NIPBL: variants seen among roughly 807,000 people sequenced by gnomAD.
The protein encoded by NIPBL is nipped-B-like protein.
NIPBL carries 19 observed loss-of-function variants against 321.8 expected under a neutral mutation model. That is an observed-to-expected ratio of 0.06 (90% confidence interval 0.04 to 0.09). NIPBL has a LOEUF of 0.09. Ranked by LOEUF, NIPBL falls within the 10% of genes least tolerant of loss-of-function variation. The pLI, the probability that NIPBL is intolerant of heterozygous loss-of-function variation, is 1.00. For missense variants in NIPBL, 2,210 were observed against 3,327.0 expected, an observed-to-expected ratio of 0.66 and a Z score of 8.26; for synonymous variants, 1,106 against 1,114.1, an observed-to-expected ratio of 0.99 and a Z score of 0.14.
chr5:37,061,848 T>G (rs1478137398), intron 45 of NIPBL, among the ~76,000 whole-genome samples: 2 of 152,204 alleles, frequency 1.3e-5, no homozygotes, highest in Non-Finnish European at 2.9e-5. Context: ...TAATGCTGTT[T>G]GTTTTGTTTT....
At chr5:36,978,200 T>G (rs1484569563) in intron 9 of NIPBL, among the ~76,000 whole-genome samples, 1 of 152,090 alleles carries the variant, frequency 6.6e-6, no homozygotes, top group Non-Finnish European at 1.5e-5. Context: ...TCATAAGGGT[T>G]GAACTAATTT....
intron 33 of NIPBL, among the ~76,000 whole-genome samples, chr5:37,038,016 G>A (rs1431203397): frequency 1.5e-5 from 2 of 131,920 alleles, no homozygotes; most frequent in Non-Finnish European, 3.1e-5. Context: ...TAAAGACAGG[G>A]TCTCACTCTG....
chr5:37,043,093 A>T (rs764597186), intron 34 of NIPBL, among the ~76,000 whole-genome samples: 1 of 152,014 alleles, frequency 6.6e-6, no homozygotes, highest in Non-Finnish European at 1.5e-5. Context: ...ACACATTTAA[A>T]TTTAAAATAA....
chr5:37,013,316 C>A (rs1412926205), intron 21 of NIPBL, among the ~76,000 whole-genome samples: 1 of 150,758 alleles, frequency 6.6e-6, no homozygotes, highest in Non-Finnish European at 1.5e-5. Flanking sequence ...CCACCTCCCT[C>A]CCGGACGGGG....
At chr5:36,901,392 T>TG (rs1208723771) in intron 1 of NIPBL, among the ~76,000 whole-genome samples, 1 of 152,086 alleles carries the variant, frequency 6.6e-6, no homozygotes, top group Middle Eastern at 3.2e-3. Context: ...TTGTGAATAG[T>TG]GCTGTAGTGA....
chr5:36,914,605 G>A (rs970281793), intron 1 of NIPBL, among the ~76,000 whole-genome samples: 4 of 152,098 alleles, frequency 2.6e-5, no homozygotes, highest in African/African-American at 9.7e-5. Flanking sequence ...GTTTAGACTT[G>A]GGTCCCATCT....
chr5:36,950,429 C>T lies in NIPBL; in HGVS notation c.-79-3189C>T, dbSNP rs1362454908. On this transcript the variant is annotated intron_variant, in intron 1 of 46. Transcript: ENST00000282516. ...CCACTTAGAGGTGGGCTACTTTCCT[C>T]ACTCTTCCATTTTTTCAAATCAGCA... is the stretch of plus-strand genomic sequence containing the variant. Among the ~76,000 whole-genome samples, 4 of 152,088 alleles carry T rather than the reference C, an allele frequency of 2.6e-5. No homozygotes were observed. The East Asian group carries it at 7.7e-4, about 29-fold the overall frequency.
At chr5:37,047,576 TA>T (rs1266235247) in intron 38 of NIPBL, among the ~76,000 whole-genome samples, 5 of 152,234 alleles carry the variant, frequency 3.3e-5, no homozygotes. Context: ...AGTCTGGACA[TA>T]ATTTATACGG....
Position 36,962,197 on chromosome 5 carries a change from A to T in NIPBL, c.533A>T (p.Tyr178Phe), listed in dbSNP as rs754045462. ...CAAAATAGCCCAGTGCCTAGTCCAT[A>T]CGCCCCACAAAGCCCTGCAGGATAC... The part of the protein sequence containing the change: ...PQQNSPVPSP[Y>F]APQSPAGYMP... The change falls in exon 6 of 47, where the codon TAC becomes TTC. Residue 178 changes from tyrosine to phenylalanine, a missense_variant. Tyr to Phe is a conservative substitution (Grantham distance 22). This residue lies in a region of NIPBL where 464 missense variants were observed against 529.5 expected (regional missense o/e 0.88). Transcript: ENST00000282516. The T allele has an allele frequency of 6.2e-7, 1 of 1,614,110 alleles. No individual in the cohort carries two copies. Among genetic ancestry groups the T allele is most frequent in the South Asian group, 1.1e-5 (1 of 91,084 alleles).
At chr5:36,913,675 G>A (rs1748229172) in intron 1 of NIPBL, among the ~76,000 whole-genome samples, 1 of 151,958 alleles carries the variant, frequency 6.6e-6, no homozygotes, top group Non-Finnish European at 1.5e-5. Flanking sequence ...GCCCAGCTTA[G>A]TTTTCTTAAT....
chr5:36,915,824 G>A (rs1748414817), intron 1 of NIPBL, among the ~76,000 whole-genome samples: 1 of 152,098 alleles, frequency 6.6e-6, no homozygotes, highest in Admixed American at 6.6e-5. Context: ...TTCATCTTTT[G>A]TGAAAGTGAT....
chr5:37,003,386 G>C, intron 16 of NIPBL, 39 bp downstream of exon 16: 1 of 1,237,038 alleles, frequency 8.1e-7, no homozygotes. Context: ...TACCCTTAAT[G>C]TTATTAAGAT....
At chr5:36,927,645 A>T (rs1749464252) in intron 1 of NIPBL, among the ~76,000 whole-genome samples, 1 of 152,220 alleles carries the variant, frequency 6.6e-6, no homozygotes. Flanking sequence ...GTTGTCTTTA[A>T]TCAAAATTAG....
intron 1 of NIPBL, among the ~76,000 whole-genome samples, chr5:36,895,633 T>G (rs1746674908): frequency 6.6e-6 from 1 of 152,196 alleles, no homozygotes; most frequent in South Asian, 2.1e-4. Context: ...TGTTATTGTC[T>G]GTCTGATTGT....
intron 6 of NIPBL, 79 bp downstream of exon 6, chr5:36,962,353 T>C (rs1036452846): frequency 7.9e-5 from 114 of 1,442,744 alleles, no homozygotes; most frequent in Non-Finnish European, 1.1e-4. Context: ...AAAATATAAT[T>C]ATTAAACACA....
chr5:37,040,508 T>C (rs1029467598), intron 34 of NIPBL, among the ~76,000 whole-genome samples: 4 of 152,326 alleles, frequency 2.6e-5, no homozygotes, highest in African/African-American at 9.6e-5. Context: ...TTTGGTAATC[T>C]CACATTACCT....
intron 10 of NIPBL, among the ~76,000 whole-genome samples, chr5:36,987,986 A>G (rs1021677122): frequency 6.6e-6 from 1 of 152,124 alleles, no homozygotes; most frequent in Non-Finnish European, 1.5e-5. Context: ...ATTTTAGAAG[A>G]GTCAGGTGAA....
In NIPBL at chr5:36,976,151, A is replaced by G; in HGVS notation, c.1244A>G (p.Asn415Ser). 6.2e-7 allele frequency: 1 copy of G among 1,613,396 alleles called. No homozygotes were observed. Among genetic ancestry groups the G allele is most frequent in the Non-Finnish European group, 8.5e-7 (1 of 1,179,546 alleles). Residue 415 changes from asparagine to serine, a missense_variant, in exon 9 of 47, where the codon AAT becomes AGT. Coordinates refer to ENST00000282516, the MANE Select transcript of NIPBL (RefSeq NM_133433.4). The part of the protein sequence containing the change: ...ITPQDINRPL[N>S]AAQCLSQQEQ... ...CCACAAGATATAAACCGCCCACTAA[A>G]TGCTGCTCAATGTTTGTCGCAGCAA... is the stretch of plus-strand genomic sequence containing the variant.
chr5:36,977,358 G>T (rs1743593603), intron 9 of NIPBL, among the ~76,000 whole-genome samples: 1 of 151,878 alleles, frequency 6.6e-6, no homozygotes, highest in South Asian at 2.1e-4. Context: ...GATGTGTTCA[G>T]TGTTTGACAG....
Sources: allele counts gnomAD v4.1 joint callset (sites outside exome capture counted in the v4.1 genomes callset), GRCh38; gene constraint gnomAD v4.1.1; regional missense constraint gnomAD v4.1.1; transcripts MANE v1.5; gene names NCBI Gene and HGNC (gene_info 2026-07-23, HGNC 2026-07-21).